The following RBFOX3 variants were observed in gnomAD, a reference collection of about 807,000 sequenced individuals.
RBFOX3 encodes RNA binding protein fox-1 homolog 3.
RBFOX3 carries 17 observed loss-of-function variants against 48.7 expected under a neutral mutation model. The observed-to-expected ratio is 0.35, with a 90% CI of 0.24 to 0.52. The LOEUF (loss-of-function observed/expected upper bound fraction) is 0.52, where lower values mean the gene tolerates loss of function less well. RBFOX3 is among the 20% of genes least tolerant of loss of function. RBFOX3 has a pLI of 0.94. For missense variants in RBFOX3, 382 were observed against 497.5 expected (o/e 0.77, Z 2.21); for synonymous variants, 212 against 209.5 (o/e 1.01, Z -0.10).
chr17:79,377,320 C>T (rs536971432), intron 2 of RBFOX3, among the ~76,000 whole-genome samples: 8 of 152,258 alleles, frequency 5.3e-5, no homozygotes, highest in East Asian at 3.9e-4. Context: ...CACGTGCACA[C>T]GGAGACACAG....
At chr17:79,476,164 C>T (rs916110613) in intron 2 of RBFOX3, among the ~76,000 whole-genome samples, 6 of 152,198 alleles carry the variant, frequency 3.9e-5, no homozygotes, top group South Asian at 2.1e-4. Context: ...CCTCCCTTCC[C>T]GCTCCAGCGC....
At chr17:79,208,295 C>T (rs1444744792) in intron 4 of RBFOX3, among the ~76,000 whole-genome samples, 1 of 152,210 alleles carries the variant, frequency 6.6e-6, no homozygotes, top group East Asian at 1.9e-4. Context: ...CTGTCACACA[C>T]ACACCCGGCC....
intron 2 of RBFOX3, among the ~76,000 whole-genome samples, chr17:79,382,404 G>A (rs577407399): frequency 3.1e-4 from 47 of 152,350 alleles, no homozygotes; most frequent in African/African-American, 1.1e-3. Context: ...CCTGTATCTT[G>A]TCATGACAGT....
rs529874438 is a variant in RBFOX3 at position 79,159,899 on chromosome 17, G to A, written c.-33-44151C>T. ...TGCAAAACGGCTCAGAGGCTTCAGC[G>A]AGGGTGCATGCGTGTCCGCCGAGTG... On this transcript the variant is annotated intron_variant, in intron 4 of 14. Transcript: ENST00000693108. Among the ~76,000 whole-genome samples the A allele has an allele frequency of 3.9e-3, 601 of 152,332 alleles. 5 individuals carry two copies. Among genetic ancestry groups the A allele is most frequent in the African/African-American group, 0.013 (557 of 41,584 alleles).
At chr17:79,530,025 C>T (rs991250170) in intron 1 of RBFOX3, among the ~76,000 whole-genome samples, 4 of 152,200 alleles carry the variant, frequency 2.6e-5, no homozygotes, top group Non-Finnish European at 5.9e-5. Context: ...AGAAGAAGTT[C>T]GCCGACCCCT....
chr17:79,654,479 T>C, the RBFOX3 span, among the ~76,000 whole-genome samples: 2 of 152,374 alleles, frequency 1.3e-5, no homozygotes, highest in South Asian at 2.1e-4. Context: ...ACTCAGCCCA[T>C]GTTCCTGATC....
rs939806975 is a variant in RBFOX3 at position 79,572,618 on chromosome 17, G to C, written c.-320+38208C>G. On this transcript the variant is annotated intron_variant, in intron 1 of 14. Coordinates refer to ENST00000693108, the MANE Select transcript of RBFOX3 (RefSeq NM_001350451.2). The stretch of plus-strand genomic sequence containing the variant: ...GCAGTGGGAGCTGAGCCCTTTCCCC[G>C]GAGGTGGCCCCAGGTGAGTACCACA... Among the ~76,000 whole-genome samples, 679 of 152,288 alleles carry C rather than the reference G, an allele frequency of 4.5e-3. 4 individuals are homozygous for C. The highest frequency in any genetic ancestry group is 0.015 in the African/African-American group (640 of 41,552).
At chr17:79,625,490 T>A in the RBFOX3 span, among the ~76,000 whole-genome samples, 1 of 152,334 alleles carries the variant, frequency 6.6e-6, no homozygotes, top group Admixed American at 6.5e-5. Context: ...CTTTTATTTT[T>A]AAAAATAAGT....
intron 2 of RBFOX3, among the ~76,000 whole-genome samples, chr17:79,358,403 A>C (rs773150943): frequency 2.6e-5 from 4 of 152,188 alleles, no homozygotes; most frequent in Non-Finnish European, 4.4e-5. Flanking sequence ...GACTCAGGCA[A>C]AATCCCACCT....
rs966632113 is a variant in RBFOX3 at position 79,115,554 on chromosome 17, G to A, written c.162C>T (p.His54=). 15 of 1,339,612 alleles carry A rather than the reference G, an allele frequency of 1.1e-5. No individual in the cohort carries two copies. The highest frequency in any genetic ancestry group is 1.1e-4 in the African/African-American group (7 of 65,468). The allele number at this position is 1,339,612 out of a possible 1,614,324, so 83.0% of individuals were successfully genotyped here. A position where few individuals can be genotyped will look rare whatever the true frequency, so the allele number is the denominator to read the frequency against. ...TGGCCTCGGAGCCTGGCTGCTCGGG[G>A]TGGGTCTGTGCTGGTGTGTACAGGG... ...GMTLYTPAQT[H]PEQPGSEAST... Residue 54 remains histidine, a synonymous_variant, in exon 5 of 15, where the codon CAC becomes CAT. Transcript: ENST00000693108.
intron 3 of RBFOX3, among the ~76,000 whole-genome samples, chr17:79,262,479 G>C (rs1160930461): frequency 1.3e-5 from 2 of 152,190 alleles, no homozygotes; most frequent in Non-Finnish European, 2.9e-5. Context: ...AACAATCGAT[G>C]GGTAGATCTC....
At chr17:79,409,608 T>C (rs1392211761) in intron 2 of RBFOX3, among the ~76,000 whole-genome samples, 1 of 152,218 alleles carries the variant, frequency 6.6e-6, no homozygotes. Flanking sequence ...CAGAGGGTGG[T>C]GGCATGTTGC....
intron 4 of RBFOX3, among the ~76,000 whole-genome samples, chr17:79,151,359 T>C (rs926906827): frequency 1.2e-4 from 16 of 138,758 alleles, no homozygotes; most frequent in Non-Finnish European, 2.0e-4. Flanking sequence ...ACGTTCGGTG[T>C]CACGGGAAGG....
intron 4 of RBFOX3, among the ~76,000 whole-genome samples, chr17:79,232,968 G>A (rs372374625): frequency 5.3e-5 from 8 of 152,172 alleles, no homozygotes; most frequent in African/African-American, 1.7e-4. Context: ...TATTTAGGGC[G>A]TTAAAATATA....
At chr17:79,284,182 C>T (rs1034965176) in intron 3 of RBFOX3, among the ~76,000 whole-genome samples, 8 of 152,218 alleles carry the variant, frequency 5.3e-5, no homozygotes, top group African/African-American at 1.9e-4. Context: ...ATGCCTTCTA[C>T]AGGACAGTTG....
At chr17:79,447,282 C>T (rs1379903625) in intron 2 of RBFOX3, among the ~76,000 whole-genome samples, 1 of 152,184 alleles carries the variant, frequency 6.6e-6, no homozygotes, top group African/African-American at 2.4e-5. Flanking sequence ...GGCCCATGAG[C>T]AAATCTCAGG....
intron 2 of RBFOX3, among the ~76,000 whole-genome samples, chr17:79,373,426 T>C (rs2147711768): frequency 6.6e-6 from 1 of 152,318 alleles, no homozygotes; most frequent in Non-Finnish European, 1.5e-5. Context: ...GAGCCTCTGA[T>C]CATGAATGGC....
chr17:79,589,989 G>A (rs967513417), intron 1 of RBFOX3, among the ~76,000 whole-genome samples: 1 of 152,170 alleles, frequency 6.6e-6, no homozygotes, highest in Non-Finnish European at 1.5e-5. Flanking sequence ...AGGAGGAAGA[G>A]GCAGCAGGGA....
chr17:79,422,372 C>T (rs757728874), intron 2 of RBFOX3, among the ~76,000 whole-genome samples: 1 of 151,530 alleles, frequency 6.6e-6, no homozygotes, highest in African/African-American at 2.4e-5. Flanking sequence ...TCCTGTGCTG[C>T]CACAGCACCC....
Sources: allele counts gnomAD v4.1 joint callset (sites outside exome capture counted in the v4.1 genomes callset), GRCh38; gene constraint gnomAD v4.1.1; transcripts MANE v1.5; gene names NCBI Gene and HGNC (gene_info 2026-07-23, HGNC 2026-07-21).